PTK7: variants seen among roughly 807,000 people sequenced by gnomAD.
PTK7 encodes inactive tyrosine-protein kinase 7.
A neutral mutation model predicts 116.6 loss-of-function variants in PTK7; 39 were observed. The ratio of observed to expected loss-of-function variants is 0.33; its 90% CI spans 0.26 to 0.44. PTK7 has a LOEUF of 0.44. PTK7 is among the 20% of genes least tolerant of loss of function. The pLI is 1.00. For synonymous variants in PTK7, 546 were observed against 563.6 expected (o/e 0.97, Z 0.44); for missense variants, 1,169 against 1,425.6 (o/e 0.82, Z 2.90).
chr6:43,160,752 G>A lies in PTK7; in HGVS notation c.3084G>A (p.Gln1028=), dbSNP rs769329272. The change falls in exon 20 of 20, where the codon CAG becomes CAA. Residue 1028 remains glutamine (Q), a synonymous_variant. Coordinates refer to ENST00000230419, the MANE Select transcript of PTK7 (RefSeq NM_002821.5). ...AGGCTGGGAAGGCTAGACTTCCTCA[G>A]CCCGAGGGCTGCCCTTCCAAACTCT... ...DLQAGKARLP[Q]PEGCPSKLYR... 3.1e-6 allele frequency: 5 copies of A among 1,614,090 alleles called. No individual in the cohort carries two copies. The Admixed American group carries it at 8.3e-5, about 27-fold the overall frequency.
Position 43,142,281 on chromosome 6 carries a change from G to A in PTK7, c.2029G>A (p.Ala677Thr), listed in dbSNP as rs766867996. The change falls in exon 13 of 20, where the codon GCC becomes ACC. Residue 677 changes from alanine (A) to threonine (T), a missense_variant. Physicochemically the swap from Ala to Thr is moderately conservative, Grantham distance 58 (BLOSUM62 0). Around this residue, in one of 3 missense-constraint regions of PTK7, gnomAD observed 678 missense variants for 853.8 expected, o/e 0.79. Transcript: ENST00000230419. ...GNSCNIKHTE[A>T]PLYVVDKPVP... ...CAGCTGCAACATCAAGCACACGGAG[G>A]CCCCCCTCTATGTCGTGGGTATGGG... The A allele has an allele frequency of 1.9e-6, 3 of 1,614,042 alleles. No homozygotes were observed. The highest frequency in any genetic ancestry group is 1.3e-5 in the African/African-American group (1 of 74,916).
At chr6:43,085,823 C>G (rs530576356) in intron 1 of PTK7, among the ~76,000 whole-genome samples, 2 of 151,658 alleles carry the variant, frequency 1.3e-5, no homozygotes, top group South Asian at 4.2e-4. Context: ...ATCCCAGCTA[C>G]TCAGGAGGCT....
chr6:43,146,357 C>A (rs1582200417), intron 16 of PTK7, among the ~76,000 whole-genome samples: 2 of 152,164 alleles, frequency 1.3e-5, no homozygotes, highest in South Asian at 4.1e-4. Flanking sequence ...GCTCTGTTGC[C>A]CCACCTGTCT....
intron 1 of PTK7, among the ~76,000 whole-genome samples, chr6:43,090,518 C>G (rs1766886941): frequency 6.6e-6 from 1 of 152,144 alleles, no homozygotes; most frequent in African/African-American, 2.4e-5. Context: ...GGGACCCCAG[C>G]AGGTTTGGGA....
Position 43,141,608 on chromosome 6 carries a change from A to G in PTK7, c.1619-60A>G, listed in dbSNP as rs1477151616. ...TGAGTAGAGGTGAGGGACTGAAGGC[A>G]TTGCCAGCTGTCTGTGTAACCCTGA... On this transcript the variant is annotated intron_variant, in intron 10 of 19. Transcript: ENST00000230419. This position sits in a 1 kb window ranked among gnomAD's most constrained non-coding sequence, Gnocchi z 4.9. 1.9e-6 allele frequency: 3 copies of G among 1,561,638 alleles called. No individual in the cohort carries two copies. Among genetic ancestry groups the G allele is most frequent in the Admixed American group, 3.4e-5 (2 of 58,006 alleles).
At position 43,143,587 on chromosome 6, in the gene PTK7, G is replaced by A. The variant is rs755117231; in HGVS notation, c.2218G>A (p.Glu740Lys). 8.1e-6 allele frequency: 13 copies of A among 1,612,812 alleles called. No homozygotes were observed. The highest frequency in any genetic ancestry group is 2.2e-5 in the East Asian group (1 of 44,898). ...CKAKRLQKQP[E>K]GEEPEMECLN... Reference sequence around the variant, plus strand: ...AGCCAAGCGGCTGCAGAAGCAGCCCGAGGGCGAGGAGCCAGAGATGGAATG... The same window carrying A: ...AGCCAAGCGGCTGCAGAAGCAGCCCAAGGGCGAGGAGCCAGAGATGGAATG... Residue 740 changes from glutamate (E) to lysine (K), a missense_variant, in exon 14 of 20, where the codon GAG becomes AAG. Coordinates refer to ENST00000230419, the MANE Select transcript of PTK7 (RefSeq NM_002821.5). This position sits in a 1 kb window ranked among gnomAD's most constrained non-coding sequence, Gnocchi z 4.2.
chr6:43,085,933 C>CAAAAA (rs752791085), intron 1 of PTK7, among the ~76,000 whole-genome samples: 1 of 72,398 alleles, frequency 1.4e-5, no homozygotes, highest in Non-Finnish European at 2.7e-5. Context: ...AACTCTGTCT[C>CAAAAA]AAAAAAAAAA....
chr6:43,159,269 G>A (rs981325895), intron 18 of PTK7, among the ~76,000 whole-genome samples: 1 of 152,180 alleles, frequency 6.6e-6, no homozygotes, highest in Non-Finnish European at 1.5e-5. Flanking sequence ...GGCTCTCTCT[G>A]TAACTTCCTG....
chr6:43,128,911 TG>T lies in PTK7; in HGVS notation c.80-64del, dbSNP rs1582153354. On this transcript the variant is annotated intron_variant, in intron 1 of 19. Transcript: ENST00000230419. ...AGCCCCTTTCCTCCTGTGCACAAGG[TG>T]GCCTGTGTTAGGACAGAGGCTGCAG... The T allele has an allele frequency of 1.8e-5, 27 of 1,487,108 alleles. No homozygotes were observed. The East Asian group carries it at 6.2e-4, about 34-fold the overall frequency. The allele number at this position is 1,487,108 out of a possible 1,614,324, so 92.1% of individuals were successfully genotyped here. A position where few individuals can be genotyped will look rare whatever the true frequency, so the allele number is the denominator to read the frequency against.
intron 17 of PTK7, among the ~76,000 whole-genome samples, chr6:43,153,077 C>T (rs774037484): frequency 6.6e-6 from 1 of 151,666 alleles, no homozygotes. Flanking sequence ...TGAGCCACCA[C>T]GCCCGGACTG....
chr6:43,142,066 C>T lies in PTK7; in HGVS notation c.1904C>T (p.Thr635Ile). The change falls in exon 12 of 20, where the codon ACC becomes ATC. Residue 635 changes from threonine (T) to isoleucine (I), a missense_variant. Thr to Ile is a moderately conservative substitution (Grantham distance 89). Coordinates refer to ENST00000230419, the MANE Select transcript of PTK7 (RefSeq NM_002821.5). ...GGCAAGGACCGCATCCTGGACCCCA[C>T]CAAGCTGGGACCCAGGTAGGGCCAC... ...WKGKDRILDP[T>I]KLGPRMHIFQ... 2 of 1,613,702 alleles carry T rather than the reference C, an allele frequency of 1.2e-6. No individual in the cohort carries two copies. Among genetic ancestry groups the T allele is most frequent in the Non-Finnish European group, 1.7e-6 (2 of 1,179,846 alleles).
At chr6:43,159,205 C>A (rs974467218) in intron 18 of PTK7, among the ~76,000 whole-genome samples, 16 of 152,052 alleles carry the variant, frequency 1.1e-4, no homozygotes, top group African/African-American at 3.6e-4. Context: ...ATAAATAAAC[C>A]TTTTTTAAAA....
intron 1 of PTK7, among the ~76,000 whole-genome samples, chr6:43,109,258 C>T (rs1489138367): frequency 1.3e-5 from 2 of 152,158 alleles, no homozygotes; most frequent in Non-Finnish European, 2.9e-5. Context: ...CCAAGCTGAA[C>T]TTGAACTCCG....
At chr6:43,102,332 G>A (rs960271487) in intron 1 of PTK7, among the ~76,000 whole-genome samples, 3 of 152,188 alleles carry the variant, frequency 2.0e-5, no homozygotes, top group Non-Finnish European at 2.9e-5. Flanking sequence ...GGCTTAGACA[G>A]GAGAATTGCT....
intron 14 of PTK7, chr6:43,144,242 C>T (rs1218919901): frequency 8.5e-6 from 5 of 588,878 alleles, no homozygotes; most frequent in Non-Finnish European, 1.5e-5. Context: ...TCAGCTGCAT[C>T]ACTAAGGGGT....
intron 17 of PTK7, among the ~76,000 whole-genome samples, chr6:43,148,286 T>TAAG (rs1290293671): frequency 3.9e-5 from 6 of 152,044 alleles, no homozygotes; most frequent in African/African-American, 1.4e-4. Flanking sequence ...GACAGGCATC[T>TAAG]TGCCCTTGGG....
chr6:43,130,098 G>T, intron 3 of PTK7, 132 bp from the exon 4 acceptor site: 1 of 988,368 alleles, frequency 1.0e-6, no homozygotes, highest in Non-Finnish European at 1.5e-6. Context: ...CCTTTTGCAA[G>T]TCCCTTCCCT....
chr6:43,109,449 A>G (rs182578224), intron 1 of PTK7, among the ~76,000 whole-genome samples: 3 of 151,988 alleles, frequency 2.0e-5, no homozygotes, highest in African/African-American at 2.4e-5. Context: ...TACATTTCCT[A>G]TCCTGGAACT....
At chr6:43,117,133 T>G (rs1768603642) in intron 1 of PTK7, among the ~76,000 whole-genome samples, 2 of 152,098 alleles carry the variant, frequency 1.3e-5, no homozygotes, top group South Asian at 4.2e-4. Flanking sequence ...CACCGTAGAC[T>G]TCAACTATGG....
Sources: gnomAD v4.1 joint callset for allele counts (sites outside exome capture counted in the v4.1 genomes callset) on GRCh38, gnomAD v4.1.1 for gene constraint, gnomAD v4.1.1 regional missense constraint, Gnocchi (gnomAD v3.1) non-coding constraint, MANE v1.5 for transcripts, NCBI Gene and HGNC (gene_info 2026-07-23, HGNC 2026-07-21) for gene names.